Variants in RTN4 observed in about 807,000 individuals in gnomAD.
The protein encoded by RTN4 is reticulon-4.
In RTN4, 32 loss-of-function variants were observed where a neutral mutation model predicts 90.4. That is an observed-to-expected ratio of 0.35 (90% CI 0.27 to 0.48). The LOEUF is 0.48. RTN4 is among the 20% of genes least tolerant of loss of function. The probability of loss-of-function intolerance (pLI) is 0.99; values close to 1 mark genes in which losing one functional copy is unlikely to be tolerated. For synonymous variants in RTN4, 629 were observed against 552.5 expected (o/e 1.14, Z -1.94); for missense variants, 1,706 against 1,430.2 (o/e 1.19, Z -3.11).
intron 2 of RTN4, among the ~76,000 whole-genome samples, chr2:55,078,381 GA>G (rs1668641876): frequency 1.3e-5 from 2 of 152,120 alleles, no homozygotes; most frequent in Non-Finnish European, 2.9e-5. Flanking sequence ...TAGTTCTACA[GA>G]CATGTGCCAA....
the RTN4 span, among the ~76,000 whole-genome samples, chr2:55,133,942 C>T: frequency 2.0e-5 from 3 of 152,168 alleles, no homozygotes; most frequent in African/African-American, 7.2e-5. Flanking sequence ...AAAGCAACCC[C>T]AAAGGCTGCT....
At chr2:55,062,503 T>C (rs1029750609) in intron 2 of RTN4, among the ~76,000 whole-genome samples, 6 of 152,180 alleles carry the variant, frequency 3.9e-5, no homozygotes, top group Non-Finnish European at 8.8e-5. Flanking sequence ...GGAGCCACAC[T>C]CCTATCGCAT....
intron 4 of RTN4, among the ~76,000 whole-genome samples, chr2:54,985,762 T>G (rs567695008): frequency 7.9e-5 from 12 of 152,322 alleles, no homozygotes; most frequent in South Asian, 4.1e-4. Context: ...TAAATCCATT[T>G]AAGTTTACCC....
At chr2:55,094,408 A>G (rs1420253981) in intron 1 of RTN4, among the ~76,000 whole-genome samples, 2 of 152,224 alleles carry the variant, frequency 1.3e-5, no homozygotes, top group South Asian at 4.1e-4. Context: ...AGTGTTTTAC[A>G]TGAATTAATT....
At chr2:55,111,773 A>T (rs1479407050) in intron 1 of RTN4, among the ~76,000 whole-genome samples, 1 of 152,182 alleles carries the variant, frequency 6.6e-6, no homozygotes, top group Non-Finnish European at 1.5e-5. Context: ...CCCTTCCTTT[A>T]TCCAGACACA....
chr2:55,009,880 C>T lies in RTN4; in HGVS notation c.3013+15206G>A, dbSNP rs184207119. ...AACGGCAGGACTGAAAAGACTAAAC[C>T]GAATGCCAGTGAAACAGAACAGCAT... On this transcript the variant is annotated intron_variant, in intron 3 of 8. Coordinates refer to ENST00000337526, the MANE Select transcript of RTN4 (RefSeq NM_020532.5). Among the ~76,000 whole-genome samples the T allele has an allele frequency of 3.4e-4, 52 of 151,674 alleles. No homozygotes were observed. The South Asian group carries it at 5.0e-3, about 15-fold the overall frequency.
chr2:55,029,818 T>G (rs1379161610), intron 1 of RTN4, among the ~76,000 whole-genome samples: 1 of 152,198 alleles, frequency 6.6e-6, no homozygotes, highest in Non-Finnish European at 1.5e-5. Context: ...GGTAACATAA[T>G]GGCTTATAAG....
At chr2:55,102,078 T>C (rs896445743) in intron 1 of RTN4, among the ~76,000 whole-genome samples, 7 of 152,092 alleles carry the variant, frequency 4.6e-5, no homozygotes, top group African/African-American at 1.7e-4. Context: ...AGTTAACAAG[T>C]CCATTTTTAA....
At chr2:55,087,593 T>TGAAACAA (rs1668866943) in intron 1 of RTN4, among the ~76,000 whole-genome samples, 1 of 152,186 alleles carries the variant, frequency 6.6e-6, no homozygotes, top group Admixed American at 6.6e-5. Flanking sequence ...GTCTGAATCT[T>TGAAACAA]GTTGATGGCC....
chr2:55,013,103 A>G (rs1680763277), intron 3 of RTN4, among the ~76,000 whole-genome samples: 2 of 152,186 alleles, frequency 1.3e-5, no homozygotes, highest in Admixed American at 1.3e-4. Flanking sequence ...AAGGCTCACA[A>G]AGGAGAGGCC....
At chr2:55,006,027 T>A (rs1191201049) in intron 3 of RTN4, among the ~76,000 whole-genome samples, 2 of 152,096 alleles carry the variant, frequency 1.3e-5, no homozygotes, top group Non-Finnish European at 2.9e-5. Context: ...CTAGATGGAA[T>A]TAAAATATTG....
chr2:55,029,997 C>CA (rs1558828920), intron 1 of RTN4, among the ~76,000 whole-genome samples: 1 of 152,054 alleles, frequency 6.6e-6, no homozygotes, highest in Non-Finnish European at 1.5e-5. Context: ...AGAGCAGAAC[C>CA]AAATAATTAC....
chr2:54,998,727 AT>A (rs1158207753), intron 3 of RTN4, among the ~76,000 whole-genome samples: 2 of 152,208 alleles, frequency 1.3e-5, no homozygotes, highest in Admixed American at 6.5e-5. Flanking sequence ...GAACAGAAAC[AT>A]TTAAATTCAT....
intron 4 of RTN4, among the ~76,000 whole-genome samples, chr2:54,983,954 T>C (rs865974264): frequency 3.0e-4 from 46 of 152,204 alleles, no homozygotes; most frequent in African/African-American, 8.7e-4. Flanking sequence ...ACCAGGGACA[T>C]CCTCCTAAAT....
intron 3 of RTN4, among the ~76,000 whole-genome samples, chr2:55,011,063 C>T (rs1284307033): frequency 2.6e-5 from 4 of 152,230 alleles, no homozygotes; most frequent in Middle Eastern, 3.4e-3. Flanking sequence ...CACAGGGTCT[C>T]GCTCTGTCAC....
intron 3 of RTN4, among the ~76,000 whole-genome samples, chr2:55,023,175 C>T (rs1244559203): frequency 6.6e-6 from 1 of 152,128 alleles, no homozygotes; most frequent in Non-Finnish European, 1.5e-5. Context: ...GACTTACTGT[C>T]CTTCCACAGG....
intron 3 of RTN4, among the ~76,000 whole-genome samples, chr2:55,021,089 T>C (rs766831655): frequency 1.2e-4 from 18 of 152,180 alleles, no homozygotes; most frequent in Non-Finnish European, 1.8e-4. Context: ...TGCATATACA[T>C]TAATAAGACC....
At chr2:55,066,192 TTTG>T (rs1558865062) in intron 2 of RTN4, among the ~76,000 whole-genome samples, 239 of 135,656 alleles carry the variant, frequency 1.8e-3, no homozygotes, top group East Asian at 0.014. Context: ...TGTGTGTGTG[TTTG>T]TGTGTGTGTG....
intron 1 of RTN4, among the ~76,000 whole-genome samples, chr2:55,038,727 C>T (rs760127172): frequency 3.3e-5 from 5 of 152,152 alleles, no homozygotes; most frequent in Non-Finnish European, 5.9e-5. Context: ...TATATAGTTA[C>T]CCCATGACTC....
Sources: allele counts gnomAD v4.1 joint callset (sites outside exome capture counted in the v4.1 genomes callset), GRCh38; gene constraint gnomAD v4.1.1; transcripts MANE v1.5; gene names NCBI Gene and HGNC (gene_info 2026-07-23, HGNC 2026-07-21).